The following PRSS21 variants were observed in gnomAD, a reference collection of about 807,000 sequenced individuals.
The protein encoded by PRSS21 is testisin.
Under a neutral mutation model 31.1 loss-of-function variants are expected in PRSS21, and 40 were observed. The ratio of observed to expected loss-of-function variants is 1.29; its 90% CI spans 1.00 to 1.68. PRSS21 has a LOEUF of 1.68. Ranked by LOEUF, PRSS21 falls within the 40% of genes most tolerant of loss-of-function variation. The pLI is 0.00. For missense variants in PRSS21, 467 were observed against 412.6 expected (o/e 1.13, Z -1.14); for synonymous variants, 186 against 167.7 (o/e 1.11, Z -0.84).
rs748653217 is a variant in PRSS21 at position 2,817,757 on chromosome 16, G to C, written c.92-44G>C. 2.7e-5 allele frequency: 41 copies of C among 1,537,906 alleles called. No homozygotes were observed. The highest frequency in any genetic ancestry group is 3.4e-5 in the Non-Finnish European group (39 of 1,140,660). On this transcript the variant is annotated intron_variant, in intron 2 of 5. Transcript: ENST00000005995. This position sits in a 1 kb window ranked among gnomAD's most constrained non-coding sequence, Gnocchi z 4.2. ...GGGAGAAAGGGAGAGGTCGGGCTTG[G>C]GGGGCTGCCTCCCGCGGCTCAGCAG...
Position 2,818,926 on chromosome 16 carries a change from A to C in PRSS21, c.507A>C (p.Thr169=). Residue 169 remains threonine, a synonymous_variant, in exon 4 of 6, where the codon ACA becomes ACC. Coordinates refer to ENST00000005995, the MANE Select transcript of PRSS21 (RefSeq NM_006799.4). ...CCACATTTGAGTTTGAGAACCGGACAGACTGCTGGGTGACTGGCTGGGGGT... is the reference window on the plus strand; with the variant it reads ...CCACATTTGAGTTTGAGAACCGGACCGACTGCTGGGTGACTGGCTGGGGGT... ...QASTFEFENR[T]DCWVTGWGYI... The C allele has an allele frequency of 6.2e-7, 1 of 1,614,234 alleles. No homozygotes were observed. The highest frequency in any genetic ancestry group is 8.5e-7 in the Non-Finnish European group (1 of 1,180,034).
rs376152076 is a variant in PRSS21, at chr16:2,817,973, G to T, written c.257+7G>T. ...CGGCGCACTGCTTTGAAACGTGAGTGGGGGTGCGAACGGAGGGGTGCGGGG... is the reference window on the plus strand; with the variant it reads ...CGGCGCACTGCTTTGAAACGTGAGTTGGGGTGCGAACGGAGGGGTGCGGGG... On this transcript the variant is annotated splice_region_variant and intron_variant, in intron 3 of 5. Coordinates refer to ENST00000005995, the MANE Select transcript of PRSS21 (RefSeq NM_006799.4). The surrounding 1 kb of genome is among the most constrained non-coding windows in gnomAD (Gnocchi z 4.2). The T allele has an allele frequency of 1.4e-4, 215 of 1,546,372 alleles. No individual in the cohort carries two copies. Among genetic ancestry groups the T allele is most frequent in the Non-Finnish European group, 1.7e-4 (198 of 1,145,564 alleles).
chr16:2,818,211 C>G (rs1396261854), intron 3 of PRSS21, among the ~76,000 whole-genome samples: 1 of 152,216 alleles, frequency 6.6e-6, no homozygotes, highest in Non-Finnish European at 1.5e-5. Flanking sequence ...AACATTTCCA[C>G]ACACTTTTGG....
intron 4 of PRSS21, 94 bp downstream of exon 4, chr16:2,819,063 C>T: frequency 7.3e-7 from 1 of 1,376,190 alleles, no homozygotes; most frequent in Non-Finnish European, 1.0e-6. Context: ...TCTGGGGGTG[C>T]AGGCTATGCC....
At position 2,821,102 on chromosome 16, in the gene PRSS21, C is replaced by A. The variant is rs139303479; in HGVS notation, c.698C>A (p.Ala233Asp). ...GGCAATGCCCAAGGCGGGAAGGATGCCTGCTTCGTGAGTGTCCTTGCCACC... is the reference window on the plus strand; with the variant it reads ...GGCAATGCCCAAGGCGGGAAGGATGACTGCTTCGTGAGTGTCCTTGCCACC... ...CAGNAQGGKDACFGDSGGPLA... is the reference protein window; with the variant it reads ...CAGNAQGGKDDCFGDSGGPLA... The change falls in exon 5 of 6, where the codon GCC becomes GAC. Residue 233 changes from alanine to aspartate, a missense_variant. Transcript: ENST00000005995. 3.7e-3 allele frequency: 5,959 copies of A among 1,613,936 alleles called. 62 individuals are homozygous for A. The highest frequency in any genetic ancestry group is 0.021 in the South Asian group (1,929 of 91,082).
chr16:2,817,370 G>C lies in PRSS21; in HGVS notation c.64+38G>C, dbSNP rs111398716. On this transcript the variant is annotated intron_variant, in intron 1 of 5. Coordinates refer to ENST00000005995, the MANE Select transcript of PRSS21 (RefSeq NM_006799.4). The surrounding 1 kb of genome is among the most constrained non-coding windows in gnomAD (Gnocchi z 4.2). ...CGCTGCTGGCGGGATGGGGAGGCGG[G>C]GGAGCGGTGGGGAGGACGGGAGGTG... 1.3e-6 allele frequency: 2 copies of C among 1,580,012 alleles called. No individual in the cohort carries two copies. Among genetic ancestry groups the C allele is most frequent in the East Asian group, 2.3e-5 (1 of 43,694 alleles).
rs1034006625 is a variant in PRSS21, at chr16:2,821,248, A to G, written c.706-118A>G. 3.0e-5 allele frequency: 46 copies of G among 1,530,766 alleles called. No homozygotes were observed. In the African/African-American group the frequency reaches 5.6e-4, roughly 19 times the overall value. 94.8% of individuals were successfully genotyped at this position (1,530,766 alleles called of 1,614,324 possible). ...CAGAAACGGAGGCTTGGCTGCTGCCAGGGGGAGGAGGAGGATGTGCACCCA... is the reference window on the plus strand; with the variant it reads ...CAGAAACGGAGGCTTGGCTGCTGCCGGGGGGAGGAGGAGGATGTGCACCCA... On this transcript the variant is annotated intron_variant, in intron 5 of 5. Coordinates refer to ENST00000005995, the MANE Select transcript of PRSS21 (RefSeq NM_006799.4).
At chr16:2,818,065 C>T (rs895032634) in intron 3 of PRSS21, 99 bp downstream of exon 3, 2 of 1,417,412 alleles carry the variant, frequency 1.4e-6, no homozygotes, top group Non-Finnish European at 9.4e-7. Context: ...CAGACTTGGG[C>T]GTGAAAGTTG....
chr16:2,819,033 C>T (rs2069129350), intron 4 of PRSS21, 64 bp downstream of exon 4: 3 of 1,560,600 alleles, frequency 1.9e-6, no homozygotes, highest in Non-Finnish European at 1.7e-6. Context: ...CCTGCATAGG[C>T]ACAATAGCCC....
intron 4 of PRSS21, among the ~76,000 whole-genome samples, 155 bp from the exon 5 acceptor site, chr16:2,820,800 G>T (rs78788021): frequency 0.029 from 4,456 of 152,262 alleles, 205 homozygotes; most frequent in African/African-American, 0.098. Context: ...GAGGGCCTCT[G>T]TTGTGCTGGG....
chr16:2,820,643 G>A (rs1001349126), intron 4 of PRSS21, among the ~76,000 whole-genome samples: 6 of 152,208 alleles, frequency 3.9e-5, no homozygotes, highest in Non-Finnish European at 7.3e-5. Flanking sequence ...CGTCTCAGCT[G>A]CCTTCGCCCC....
chr16:2,821,138 C>T (rs960080889), intron 5 of PRSS21, 29 bp downstream of exon 5: 3 of 1,612,416 alleles, frequency 1.9e-6, no homozygotes, highest in Non-Finnish European at 2.5e-6. Context: ...ACTCCCAGCC[C>T]AGGAAAGCAT....
chr16:2,817,392 G>C lies in PRSS21; in HGVS notation c.65-38G>C. 1 of 1,592,844 alleles carries C rather than the reference G, an allele frequency of 6.3e-7. No homozygotes were observed. The highest frequency in any genetic ancestry group is 8.5e-7 in the Non-Finnish European group (1 of 1,173,916). On this transcript the variant is annotated intron_variant, in intron 1 of 5. Coordinates refer to ENST00000005995, the MANE Select transcript of PRSS21 (RefSeq NM_006799.4). This position sits in a 1 kb window ranked among gnomAD's most constrained non-coding sequence, Gnocchi z 4.2. ...CGGGGGAGCGGTGGGGAGGACGGGA[G>C]GTGGAGGCCGCGGGGAGTCACTTCT...
In PRSS21 at chr16:2,817,677, A is replaced by C; in HGVS notation, c.92-124A>C. 1.5e-6 allele frequency: 2 copies of C among 1,350,120 alleles called. No individual in the cohort carries two copies. Among genetic ancestry groups the C allele is most frequent in the Non-Finnish European group, 2.0e-6 (2 of 998,986 alleles). The allele number at this position is 1,350,120 out of a possible 1,614,324, so 83.6% of individuals were successfully genotyped here. On this transcript the variant is annotated intron_variant, in intron 2 of 5. Transcript: ENST00000005995. This position sits in a 1 kb window ranked among gnomAD's most constrained non-coding sequence, Gnocchi z 4.2. ...CAGTGTCACCTACTTCCTGCTGCAC[A>C]CACGCGAGGGGACCCTGGGTGGGCA...
Position 2,817,473 on chromosome 16 carries a change from G to A in PRSS21, c.91+17G>A, listed in dbSNP as rs1216668327. On this transcript the variant is annotated intron_variant, in intron 2 of 5. Coordinates refer to ENST00000005995, the MANE Select transcript of PRSS21 (RefSeq NM_006799.4). This position sits in a 1 kb window ranked among gnomAD's most constrained non-coding sequence, Gnocchi z 4.2. ...CGTTATCAGGTAGGGCGCCCAGGAC[G>A]CGCGATTCCTGCCAGGGCCGTTGGG... The A allele has an allele frequency of 3.8e-6, 6 of 1,574,436 alleles. No individual in the cohort carries two copies. The highest frequency in any genetic ancestry group is 1.4e-5 in the African/African-American group (1 of 72,652).
At position 2,821,099 on chromosome 16, in the gene PRSS21, A is replaced by G. The variant is rs755616900; in HGVS notation, c.695A>G (p.Asp232Gly). 1 of 1,614,036 alleles carries G rather than the reference A, an allele frequency of 6.2e-7. No individual in the cohort carries two copies. The highest frequency in any genetic ancestry group is 1.1e-5 in the South Asian group (1 of 91,082). The change falls in exon 5 of 6, where the codon GAT (aspartate) becomes GGT (glycine). Residue 232 changes from aspartate to glycine, a missense_variant. Asp to Gly is a moderately conservative substitution (Grantham distance 94). Transcript: ENST00000005995. ...GCTGGCAATGCCCAAGGCGGGAAGG[A>G]TGCCTGCTTCGTGAGTGTCCTTGCC... ...VCAGNAQGGKDACFGDSGGPL... is the reference protein window; with the variant it reads ...VCAGNAQGGKGACFGDSGGPL...
At position 2,817,248 on chromosome 16, in the gene PRSS21, C is replaced by T. The variant is rs2069086576; in HGVS notation, c.-21C>T. ...GCGCGAGAGGAGGCAGAGGGGGCGT[C>T]AGGCCGCGGGAGAGGAGGCCATGGG... is the stretch of plus-strand genomic sequence containing the variant. On this transcript the variant is annotated 5_prime_UTR_variant, in exon 1 of 6. Transcript: ENST00000005995. The surrounding 1 kb of genome is among the most constrained non-coding windows in gnomAD (Gnocchi z 4.2). The T allele has an allele frequency of 2.7e-6, 4 of 1,492,448 alleles. No individual in the cohort carries two copies. The highest frequency in any genetic ancestry group is 2.5e-5 in the South Asian group (2 of 78,592). The allele number at this position is 1,492,448 out of a possible 1,614,324, so 92.5% of individuals were successfully genotyped here. A position where few individuals can be genotyped will look rare whatever the true frequency, so the allele number is the denominator to read the frequency against.
intron 3 of PRSS21, 115 bp downstream of exon 3, chr16:2,818,081 G>T (rs1233765088): frequency 1.5e-6 from 2 of 1,309,732 alleles, no homozygotes; most frequent in African/African-American, 1.5e-5. Context: ...AGTTGTGCGT[G>T]GATGCGGCCT....
chr16:2,821,188 C>G, intron 5 of PRSS21, 79 bp downstream of exon 5: 1 of 1,578,164 alleles, frequency 6.3e-7, no homozygotes, highest in East Asian at 2.2e-5. Flanking sequence ...ATGCCAACCC[C>G]GGGAGGTGGA....
Sources: gnomAD v4.1 joint callset for allele counts (sites outside exome capture counted in the v4.1 genomes callset) on GRCh38, gnomAD v4.1.1 for gene constraint, Gnocchi (gnomAD v3.1) non-coding constraint, MANE v1.5 for transcripts, NCBI Gene and HGNC (gene_info 2026-07-23, HGNC 2026-07-21) for gene names.